The following VPS13B variants were observed in gnomAD, a reference collection of about 807,000 sequenced individuals.
The protein encoded by VPS13B is vacuolar protein sorting 13 homolog B.
A neutral mutation model predicts 426.4 loss-of-function variants in VPS13B; 285 were observed. That is an observed-to-expected ratio of 0.67 (90% CI 0.61 to 0.74). VPS13B has a LOEUF of 0.74. Ranked by LOEUF, VPS13B falls within the 30% of genes least tolerant of loss-of-function variation. The probability of loss-of-function intolerance (pLI) is 0.00; values close to 1 mark genes in which losing one functional copy is unlikely to be tolerated. For missense variants in VPS13B, 4,537 were observed against 4,782.6 expected, an observed-to-expected ratio of 0.95 and a Z score of 1.51; for synonymous variants, 1,676 against 1,676.4, an observed-to-expected ratio of 1.00 and a Z score of 0.01.
chr8:99,165,553 A>T (rs1811954320), intron 15 of VPS13B, among the ~76,000 whole-genome samples: 1 of 152,244 alleles, frequency 6.6e-6, no homozygotes, highest in African/African-American at 2.4e-5. Context: ...TGCAATACAT[A>T]CTTCAGACAG....
chr8:99,333,623 C>T (rs927371409), intron 19 of VPS13B, among the ~76,000 whole-genome samples: 5 of 151,736 alleles, frequency 3.3e-5, no homozygotes, highest in African/African-American at 1.2e-4. Context: ...TGTAAGAATC[C>T]CTTGTGTTAC....
At chr8:99,546,141 G>A (rs1202195442) in intron 30 of VPS13B, among the ~76,000 whole-genome samples, 1 of 151,644 alleles carries the variant, frequency 6.6e-6, no homozygotes, top group African/African-American at 2.4e-5. Flanking sequence ...CTTTCTTCTT[G>A]ACCGATTTTA....
chr8:99,149,044 A>G (rs752099697), intron 14 of VPS13B, among the ~76,000 whole-genome samples: 1 of 152,202 alleles, frequency 6.6e-6, no homozygotes, highest in Non-Finnish European at 1.5e-5. Context: ...GGATCACAGG[A>G]TATTCTACCA....
chr8:99,314,197 C>G (rs976251904), intron 19 of VPS13B, among the ~76,000 whole-genome samples: 12 of 151,916 alleles, frequency 7.9e-5, no homozygotes, highest in African/African-American at 2.7e-4. Flanking sequence ...TCCAACAAGC[C>G]CCAGTGAGAT....
At chr8:99,111,306 A>G (rs1563546254) in intron 6 of VPS13B, 27 bp downstream of exon 6, 3 of 1,571,814 alleles carry the variant, frequency 1.9e-6, no homozygotes, top group South Asian at 2.3e-5. Context: ...TTTGCAGTTA[A>G]GTTGCATGTC....
intron 22 of VPS13B, 93 bp downstream of exon 22, chr8:99,431,757 T>A: frequency 7.6e-7 from 1 of 1,322,868 alleles, no homozygotes; most frequent in Non-Finnish European, 1.0e-6. Context: ...TTCTCACATG[T>A]AACAATTATG....
At chr8:99,281,613 C>A (rs1367525988) in intron 19 of VPS13B, among the ~76,000 whole-genome samples, 7 of 152,216 alleles carry the variant, frequency 4.6e-5, no homozygotes, top group Non-Finnish European at 8.8e-5. Context: ...GCAAAGGGAA[C>A]TGATGCAAAT....
chr8:99,184,409 C>T (rs1813106382), intron 16 of VPS13B, among the ~76,000 whole-genome samples: 1 of 152,002 alleles, frequency 6.6e-6, no homozygotes, highest in Non-Finnish European at 1.5e-5. Context: ...TATGTCCATT[C>T]CAGTGGGGTT....
chr8:99,693,393 A>G (rs1416044937), intron 35 of VPS13B, among the ~76,000 whole-genome samples: 1 of 150,006 alleles, frequency 6.7e-6, no homozygotes, highest in Non-Finnish European at 1.5e-5. Flanking sequence ...GGTTCAATAT[A>G]TGCAAATCAA....
At chr8:99,225,280 C>T (rs1239688117) in intron 17 of VPS13B, among the ~76,000 whole-genome samples, 2 of 148,320 alleles carry the variant, frequency 1.3e-5, no homozygotes, top group African/African-American at 2.5e-5. Context: ...CTTTTCTTTT[C>T]TTTTTTTTTT....
chr8:99,429,875 A>G (rs965448776), intron 21 of VPS13B, among the ~76,000 whole-genome samples: 1 of 152,118 alleles, frequency 6.6e-6, no homozygotes, highest in Non-Finnish European at 1.5e-5. Context: ...AGTAAAAACC[A>G]TCTCCTTACT....
intron 7 of VPS13B, chr8:99,120,070 T>G (rs1847863956): frequency 6.6e-6 from 1 of 152,256 alleles, no homozygotes; most frequent in East Asian, 1.9e-4. Flanking sequence ...TTTTTGTATT[T>G]TTAGTAGGGA....
chr8:99,176,904 G>A lies in VPS13B; in HGVS notation c.2333+6741G>A, dbSNP rs139858129. On this transcript the variant is annotated intron_variant, in intron 16 of 61. Transcript: ENST00000357162. ...GATGGTTTGACAATTTTAGAAAGAGGTTTGGCTTAAAAAATTTCAAGAGAA... is the reference window on the plus strand; with the variant it reads ...GATGGTTTGACAATTTTAGAAAGAGATTTGGCTTAAAAAATTTCAAGAGAA... 6.1e-3 allele frequency among the ~76,000 whole-genome samples: 925 copies of A among 152,226 alleles called. 13 individuals are homozygous for A. The highest frequency in any genetic ancestry group is 0.021 in the African/African-American group (880 of 41,528).
chr8:99,774,516 T>C (rs1811650377), intron 40 of VPS13B, among the ~76,000 whole-genome samples: 1 of 152,174 alleles, frequency 6.6e-6, no homozygotes, highest in Non-Finnish European at 1.5e-5. Flanking sequence ...TCTCAGGAGA[T>C]AGAAAAATAA....
chr8:99,570,589 T>C (rs1449527660), intron 31 of VPS13B, among the ~76,000 whole-genome samples: 3 of 152,020 alleles, frequency 2.0e-5, no homozygotes, highest in Non-Finnish European at 2.9e-5. Context: ...TTTAATTCTG[T>C]ATGTTTTTAG....
chr8:99,559,500 G>GT (rs1824776473), intron 31 of VPS13B, among the ~76,000 whole-genome samples: 1 of 152,132 alleles, frequency 6.6e-6, no homozygotes, highest in East Asian at 1.9e-4. Context: ...GTCCTGAATG[G>GT]TATTGCCTAG....
chr8:99,835,456 G>C (rs753677064), intron 53 of VPS13B, 83 bp from the exon 54 acceptor site: 1 of 1,529,162 alleles, frequency 6.5e-7, no homozygotes, highest in Non-Finnish European at 9.0e-7. Flanking sequence ...TTTTTGAGAA[G>C]TTTCTTTTGC....
chr8:99,587,831 T>A (rs1826386162), intron 33 of VPS13B, among the ~76,000 whole-genome samples: 1 of 151,848 alleles, frequency 6.6e-6, no homozygotes, highest in South Asian at 2.1e-4. Context: ...TTTAATTAGA[T>A]CCCATTTGTC....
chr8:99,247,066 C>T (rs1449976746), intron 17 of VPS13B, among the ~76,000 whole-genome samples: 2 of 152,028 alleles, frequency 1.3e-5, no homozygotes, highest in African/African-American at 4.8e-5. Flanking sequence ...GTTAATTTTG[C>T]ATAGTTGGGT....
Sources: gnomAD v4.1 joint callset for allele counts (sites outside exome capture counted in the v4.1 genomes callset) on GRCh38, gnomAD v4.1.1 for gene constraint, MANE v1.5 for transcripts, NCBI Gene and HGNC (gene_info 2026-07-23, HGNC 2026-07-21) for gene names.